ZNF180: variants seen among roughly 807,000 people sequenced by gnomAD.
ZNF180 encodes the protein zinc finger protein 180 (HHZ168).
Under a neutral mutation model 11.8 loss-of-function variants are expected in ZNF180, and 11 were observed. The observed-to-expected ratio is 0.93, with a 90% confidence interval of 0.59 to 1.55. ZNF180 has a LOEUF of 1.55. Among genes scored for constraint, ZNF180 ranks in the 40% most tolerant of loss-of-function variants. The pLI is 0.00. For synonymous variants in ZNF180, 287 were observed against 257.7 expected, an observed-to-expected ratio of 1.11 and a Z score of -1.09; for missense variants, 773 against 781.7, an observed-to-expected ratio of 0.99 and a Z score of 0.13.
rs1248755542 is a variant in ZNF180 at position 44,477,710 on chromosome 19, G to A, written c.690C>T (p.Ser230=). 4 of 1,613,960 alleles carry A rather than the reference G, an allele frequency of 2.5e-6. No homozygotes were observed. Among genetic ancestry groups the A allele is most frequent in the East Asian group, 2.2e-5 (1 of 44,882 alleles). ...TTCTTGTAAACTGAATAAGGTGAAT[G>A]CTCTGAGGGGGTTTTCCACATTCAT... ...ENNECGKPPQ[S]IHLIQFTRTQ... Residue 230 remains serine (S), a synonymous_variant, in exon 5 of 5, where the codon AGC becomes AGT. Transcript: ENST00000592529.
intron 1 of ZNF180, among the ~76,000 whole-genome samples, chr19:44,499,076 G>A (rs1453433277): frequency 6.6e-6 from 1 of 152,060 alleles, no homozygotes; most frequent in Non-Finnish European, 1.5e-5. Flanking sequence ...TAGGTTCTGG[G>A]GTCAACTGCC....
At chr19:44,487,186 C>T (rs1474574387) in intron 2 of ZNF180, among the ~76,000 whole-genome samples, 2 of 152,162 alleles carry the variant, frequency 1.3e-5, no homozygotes, top group Non-Finnish European at 2.9e-5. Flanking sequence ...TTCTCCTTAT[C>T]TATCTAGAAA....
At chr19:44,483,015 T>C (rs1160575060) in intron 3 of ZNF180, among the ~76,000 whole-genome samples, 5 of 152,356 alleles carry the variant, frequency 3.3e-5, no homozygotes, top group South Asian at 4.1e-4. Context: ...ACCCCAGACC[T>C]TGAAATTGTC....
rs751367681 is a variant in ZNF180, at chr19:44,476,586, G to A, written c.1814C>T (p.Pro605Leu). The A allele has an allele frequency of 1.9e-6, 3 of 1,613,964 alleles. No homozygotes were observed. In the African/African-American group the frequency reaches 4.0e-5, roughly 22 times the overall value. The change falls in exon 5 of 5, where the codon CCA (proline) becomes CTA (leucine). Residue 605 changes from proline (P) to leucine (L), a missense_variant. Coordinates refer to ENST00000592529, the MANE Select transcript of ZNF180 (RefSeq NM_001278509.3). ...QHQRTHTGEKPFECNQCGKTF... is the reference protein window; with the variant it reads ...QHQRTHTGEKLFECNQCGKTF... ...TTTTCCACACTGATTACATTCAAAT[G>A]GTTTCTCTCCAGTATGAGTTCTCTG...
chr19:44,481,316 G>A (rs1197846003), intron 3 of ZNF180, among the ~76,000 whole-genome samples: 5 of 152,106 alleles, frequency 3.3e-5, no homozygotes. Context: ...CTCTAAGTTT[G>A]AGCCTAAAAA....
chr19:44,485,493 A>G (rs1412570144), intron 2 of ZNF180, among the ~76,000 whole-genome samples: 1 of 151,976 alleles, frequency 6.6e-6, no homozygotes, highest in African/African-American at 2.4e-5. Flanking sequence ...TTTCCTCTTT[A>G]TATTTACTTA....
chr19:44,484,464 G>A, intron 2 of ZNF180, 29 bp from the exon 3 acceptor site: 1 of 1,561,386 alleles, frequency 6.4e-7, no homozygotes, highest in Non-Finnish European at 8.8e-7. Flanking sequence ...TGAGAAAAAG[G>A]AAAATAATCA....
At position 44,475,667 on chromosome 19, in the gene ZNF180, T is replaced by C. The variant is rs1309978287; in HGVS notation, c.*735A>G. On this transcript the variant is annotated 3_prime_UTR_variant, in exon 5 of 5. Coordinates refer to ENST00000592529, the MANE Select transcript of ZNF180 (RefSeq NM_001278509.3). ...TTGGCTTTGAATAATTTTTACTCAT[T>C]ATATCATTTATCATAGCATAACAGC... 1 of 152,194 alleles carries C rather than the reference T, an allele frequency of 6.6e-6. No individual in the cohort carries two copies. The highest frequency in any genetic ancestry group is 1.5e-5 in the Non-Finnish European group (1 of 68,036). 9.4% of individuals were successfully genotyped at this position (152,194 alleles called of 1,614,324 possible). A position where few individuals can be genotyped will look rare whatever the true frequency, so the allele number is the denominator to read the frequency against.
intron 2 of ZNF180, among the ~76,000 whole-genome samples, chr19:44,489,910 GAAAAAGAA>G (rs1422587294): frequency 1.3e-5 from 1 of 76,730 alleles, no homozygotes. Flanking sequence ...AGAGAGAAAA[GAAAAAGAA>G]AGAAAGAGAG....
At chr19:44,481,778 T>C (rs1970086800) in intron 3 of ZNF180, among the ~76,000 whole-genome samples, 1 of 152,202 alleles carries the variant, frequency 6.6e-6, no homozygotes, top group Non-Finnish European at 1.5e-5. Context: ...ACACTATCAA[T>C]AAACCTTATA....
At chr19:44,485,011 A>G (rs1970188082) in intron 2 of ZNF180, 1 of 152,540 alleles carries the variant, frequency 6.6e-6, no homozygotes, top group South Asian at 2.1e-4. Flanking sequence ...ATATACAAAA[A>G]CTGGCCGGGC....
chr19:44,475,808 A>G lies in ZNF180; in HGVS notation c.*594T>C, dbSNP rs533777031. 1.8e-4 allele frequency: 27 copies of G among 152,352 alleles called. No individual in the cohort carries two copies. Among genetic ancestry groups the G allele is most frequent in the African/African-American group, 6.5e-4 (27 of 41,576 alleles). The allele number at this position is 152,352 out of a possible 1,614,324, so 9.4% of individuals were successfully genotyped here. A position where few individuals can be genotyped will look rare whatever the true frequency, so the allele number is the denominator to read the frequency against. On this transcript the variant is annotated 3_prime_UTR_variant, in exon 5 of 5. Transcript: ENST00000592529. ...TTTATCATAATGGTTTTAGAAGTGAATATTATTTCTATATTCTTTTCCCAC... is the reference window on the plus strand; with the variant it reads ...TTTATCATAATGGTTTTAGAAGTGAGTATTATTTCTATATTCTTTTCCCAC...
At chr19:44,499,969 G>A (rs1970699468) in intron 1 of ZNF180, among the ~76,000 whole-genome samples, 2 of 152,188 alleles carry the variant, frequency 1.3e-5, no homozygotes. Flanking sequence ...GCCCGGCATT[G>A]GAGGAGGGGA....
Position 44,476,539 on chromosome 19 carries a change from GTC to G in ZNF180, c.1859_1860del (p.Arg620ProfsTer25), listed in dbSNP as rs1255100895. 2 of 1,614,004 alleles carry G rather than the reference GTC, an allele frequency of 1.2e-6. No homozygotes were observed. Among genetic ancestry groups the G allele is most frequent in the East Asian group, 4.5e-5 (2 of 44,880 alleles). On this transcript the variant is annotated frameshift_variant, in exon 5 of 5. Coordinates refer to ENST00000592529, the MANE Select transcript of ZNF180 (RefSeq NM_001278509.3). LOFTEE classifies it low-confidence loss of function (END_TRUNC). ...QCGKTFSLSARLIVHQRTHTG... is the reference protein window; with the variant it reads ...QCGKTFSLSAXLIVHQRTHTG... ...GTATGAGTTCTTTGATGCACAATAA[GTC>G]GAGCACTCAAGCTAAATGTTTTTCC... is the stretch of plus-strand genomic sequence containing the variant.
chr19:44,492,455 T>C (rs1465101608), intron 2 of ZNF180, among the ~76,000 whole-genome samples: 13 of 152,166 alleles, frequency 8.5e-5, no homozygotes, highest in Admixed American at 8.5e-4. Flanking sequence ...CTTTACGAAA[T>C]GGGAACAGGA....
rs972023605 is a variant in ZNF180, at chr19:44,500,290, C to T, written c.-59G>A. ...CCCTACCAACCTGGGCGTCCGCTGG[C>T]CCGCAGCCCAGGCTGGGCCTGTCAC... On this transcript the variant is annotated 5_prime_UTR_variant, in exon 1 of 5. Coordinates refer to ENST00000592529, the MANE Select transcript of ZNF180 (RefSeq NM_001278509.3). 6.9e-6 allele frequency: 11 copies of T among 1,602,052 alleles called. No individual in the cohort carries two copies. The highest frequency in any genetic ancestry group is 1.7e-4 in the Middle Eastern group (1 of 6,056).
intron 2 of ZNF180, among the ~76,000 whole-genome samples, chr19:44,493,499 T>A (rs1970500875): frequency 1.3e-5 from 2 of 152,254 alleles, no homozygotes; most frequent in Non-Finnish European, 2.9e-5. Flanking sequence ...TACTTGTTCA[T>A]CTTCTGATAA....
At chr19:44,490,537 A>T (rs1970425953) in intron 2 of ZNF180, among the ~76,000 whole-genome samples, 1 of 152,210 alleles carries the variant, frequency 6.6e-6, no homozygotes, top group Non-Finnish European at 1.5e-5. Flanking sequence ...ATCTTTTCTT[A>T]AAAAAATGCC....
intron 3 of ZNF180, among the ~76,000 whole-genome samples, chr19:44,480,539 GC>G (rs1970051503): frequency 6.6e-6 from 1 of 152,170 alleles, no homozygotes; most frequent in Non-Finnish European, 1.5e-5. Context: ...AACAACGAAG[GC>G]CAGCAATTAC....
Sources: allele counts gnomAD v4.1 joint callset (sites outside exome capture counted in the v4.1 genomes callset), GRCh38; gene constraint gnomAD v4.1.1; transcripts MANE v1.5; gene names NCBI Gene and HGNC (gene_info 2026-07-23, HGNC 2026-07-21).